Variants in MYLK4 observed in about 807,000 individuals in gnomAD.
MYLK4 encodes the protein myosin light chain kinase family member 4, also known as caMLCK like.
A neutral mutation model predicts 48.1 loss-of-function variants in MYLK4; 46 were observed. The observed-to-expected ratio is 0.96, with a 90% CI of 0.75 to 1.22. The LOEUF is 1.22. Among genes scored for constraint, MYLK4 ranks in the 50% most tolerant of loss-of-function variants. The probability of loss-of-function intolerance (pLI) is 0.00; values close to 1 mark genes in which losing one functional copy is unlikely to be tolerated. For synonymous variants in MYLK4, 170 were observed against 180.8 expected (o/e 0.94, Z 0.48); for missense variants, 451 against 486.1 (o/e 0.93, Z 0.68).
chr6:2,709,522 G>C (rs1053420952), intron 2 of MYLK4, among the ~76,000 whole-genome samples: 1 of 152,178 alleles, frequency 6.6e-6, no homozygotes, highest in Non-Finnish European at 1.5e-5. Context: ...GCAAGCCCCA[G>C]GACTGAGGTT....
intron 2 of MYLK4, among the ~76,000 whole-genome samples, chr6:2,693,533 C>T (rs758442428): frequency 3.3e-5 from 5 of 152,140 alleles, no homozygotes; most frequent in African/African-American, 4.8e-5. Flanking sequence ...TTGAGCAAAC[C>T]GTTAGCTAAT....
chr6:2,670,392 C>CA (rs71538951), intron 12 of MYLK4, among the ~76,000 whole-genome samples: 2 of 141,962 alleles, frequency 1.4e-5, no homozygotes, highest in African/African-American at 5.2e-5. Flanking sequence ...AACAAACAAA[C>CA]AACAGTGAGC....
At chr6:2,757,959 C>G in the MYLK4 span, among the ~76,000 whole-genome samples, 1 of 152,198 alleles carries the variant, frequency 6.6e-6, no homozygotes, top group African/African-American at 2.4e-5. Flanking sequence ...TGTGTTGACT[C>G]AAGAGCTGCT....
At chr6:2,728,932 T>C (rs1429752319) in intron 2 of MYLK4, among the ~76,000 whole-genome samples, 1 of 152,206 alleles carries the variant, frequency 6.6e-6, no homozygotes, top group Non-Finnish European at 1.5e-5. Context: ...GCTTTCTGTG[T>C]CTCTGCCTTC....
chr6:2,745,854 G>A (rs1764067857), intron 2 of MYLK4, among the ~76,000 whole-genome samples: 2 of 151,522 alleles, frequency 1.3e-5, no homozygotes, highest in South Asian at 4.1e-4. Context: ...GAGCCAGGGA[G>A]GTCAAAGCTG....
chr6:2,749,117 T>C lies in MYLK4; in HGVS notation c.159+19A>G. 6.2e-7 allele frequency: 1 copy of C among 1,608,460 alleles called. No homozygotes were observed. The highest frequency in any genetic ancestry group is 1.3e-5 in the African/African-American group (1 of 74,698). ...ATAGAATGAATACTTTTTAGGAGAC[T>C]AAATTAGAACATGATTACCTCATTA... On this transcript the variant is annotated intron_variant, in intron 2 of 12. Transcript: ENST00000274643.
At chr6:2,701,022 C>T (rs556593846) in intron 2 of MYLK4, among the ~76,000 whole-genome samples, 6 of 152,152 alleles carry the variant, frequency 3.9e-5, no homozygotes, top group Non-Finnish European at 8.8e-5. Flanking sequence ...AAATTGAGAG[C>T]GTGAGTGCAT....
intron 2 of MYLK4, among the ~76,000 whole-genome samples, chr6:2,718,638 G>T (rs1762954109): frequency 6.6e-6 from 1 of 152,154 alleles, no homozygotes; most frequent in Admixed American, 6.5e-5. Context: ...CTTCTTTATT[G>T]TGAGGGCCGA....
rs562167827 is a variant in MYLK4 at position 2,677,131 on chromosome 6, C to T, written c.1040+1089G>A. ...GGTTCTCTTCATCCTCTAAGGATGG[C>T]CTTATCTTTGTGTTAACCACATTTT... On this transcript the variant is annotated intron_variant, in intron 10 of 12. Transcript: ENST00000274643. 2.6e-5 allele frequency among the ~76,000 whole-genome samples: 4 copies of T among 152,248 alleles called. No homozygotes were observed. In the East Asian group the frequency reaches 7.7e-4, roughly 29 times the overall value.
At chr6:2,726,860 C>T (rs1318962581) in intron 2 of MYLK4, among the ~76,000 whole-genome samples, 2 of 152,148 alleles carry the variant, frequency 1.3e-5, no homozygotes, top group Non-Finnish European at 2.9e-5. Flanking sequence ...TGATCCACCA[C>T]CTCAGCCTCC....
intron 2 of MYLK4, among the ~76,000 whole-genome samples, chr6:2,728,292 AG>A (rs1270347250): frequency 1.3e-5 from 2 of 152,206 alleles, no homozygotes; most frequent in African/African-American, 2.4e-5. Context: ...AGACACAGGC[AG>A]TGCAGGGGAA....
At chr6:2,696,831 G>A (rs1762079160) in intron 2 of MYLK4, among the ~76,000 whole-genome samples, 1 of 152,220 alleles carries the variant, frequency 6.6e-6, no homozygotes, top group East Asian at 1.9e-4. Flanking sequence ...GGAGGCCGAG[G>A]TGGGCAGATC....
chr6:2,762,732 C>A, the MYLK4 span, among the ~76,000 whole-genome samples: 1 of 152,162 alleles, frequency 6.6e-6, no homozygotes, highest in African/African-American at 2.4e-5. Flanking sequence ...TTCTTAAACA[C>A]AGTGCAGAGT....
intron 2 of MYLK4, among the ~76,000 whole-genome samples, chr6:2,723,625 G>C (rs1763147062): frequency 6.6e-6 from 1 of 152,206 alleles, no homozygotes; most frequent in African/African-American, 2.4e-5. Flanking sequence ...GGCCCCATCA[G>C]AGCACCTTGT....
chr6:2,691,976 C>A (rs927043926), intron 3 of MYLK4, among the ~76,000 whole-genome samples: 1 of 152,190 alleles, frequency 6.6e-6, no homozygotes, highest in Non-Finnish European at 1.5e-5. Context: ...ATGCTGTAAC[C>A]CTACCTTTCG....
intron 2 of MYLK4, among the ~76,000 whole-genome samples, chr6:2,724,980 G>A (rs368939253): frequency 1.3e-4 from 20 of 152,082 alleles, no homozygotes; most frequent in Admixed American, 8.5e-4. Flanking sequence ...ATGAAACTCC[G>A]TCTCTACTAA....
the MYLK4 span, chr6:2,765,661 G>A: frequency 4.5e-6 from 7 of 1,549,174 alleles, no homozygotes; most frequent in Middle Eastern, 3.9e-4. Context: ...CCTTCCTTTC[G>A]CAGCTGCACC....
At chr6:2,764,599 G>C in the MYLK4 span, among the ~76,000 whole-genome samples, 4 of 152,212 alleles carry the variant, frequency 2.6e-5, no homozygotes, top group Non-Finnish European at 5.9e-5. Flanking sequence ...CAAAGATGCA[G>C]ACTACCACAC....
At chr6:2,766,522 G>C in the MYLK4 span, 1 of 1,425,420 alleles carries the variant, frequency 7.0e-7, no homozygotes, top group Non-Finnish European at 9.3e-7. Flanking sequence ...AGCCGGGTGT[G>C]CTGCCCTCGA....
Sources: allele counts gnomAD v4.1 joint callset (sites outside exome capture counted in the v4.1 genomes callset), GRCh38; gene constraint gnomAD v4.1.1; transcripts MANE v1.5; gene names NCBI Gene and HGNC (gene_info 2026-07-23, HGNC 2026-07-21).